Variants in FCMR observed in about 807,000 individuals in gnomAD.
FCMR encodes immunoglobulin mu Fc receptor.
A neutral mutation model predicts 41.6 loss-of-function variants in FCMR; 34 were observed. The observed-to-expected ratio is 0.82, with a 90% CI of 0.62 to 1.09. The LOEUF (loss-of-function observed/expected upper bound fraction) is 1.09. Ranked by LOEUF, FCMR falls within the 50% of genes least tolerant of loss-of-function variation. The pLI is 0.00. For missense variants in FCMR, 496 were observed against 512.5 expected (o/e 0.97, Z 0.31); for synonymous variants, 209 against 211.8 (o/e 0.99, Z 0.12).
Position 206,911,893 on chromosome 1 carries a change from G to A in FCMR, c.547C>T (p.Gln183Ter). 5.6e-6 allele frequency: 9 copies of A among 1,606,350 alleles called. No individual in the cohort carries two copies. The highest frequency in any genetic ancestry group is 7.6e-6 in the Non-Finnish European group (9 of 1,177,674). Residue 183 changes from glutamine (Q) to a stop codon, truncating the protein, a stop_gained, in exon 4 of 8, where the codon CAA (glutamine) becomes TAA (stop). Transcript: ENST00000367091. LOFTEE classifies it high-confidence loss of function. ...GACACTCGAGGGCGGTGGGTGATTT[G>A]GGTGGTGGGGGAGGAGTGGTGAACT... ...PPVHHSSPTT[Q>*]ITHRPRVSRA...
intron 7 of FCMR, among the ~76,000 whole-genome samples, chr1:206,905,575 T>C (rs1678601712): frequency 6.6e-6 from 1 of 152,114 alleles, no homozygotes; most frequent in Non-Finnish European, 1.5e-5. Flanking sequence ...GTCGTGACAG[T>C]GCATTCCAGG....
chr1:206,912,020 C>A (rs1678966183), intron 3 of FCMR, 68 bp from the exon 4 acceptor site: 1 of 1,165,928 alleles, frequency 8.6e-7, no homozygotes, highest in Non-Finnish European at 1.2e-6. Context: ...GATTAGGTCA[C>A]CACCTCTTTC....
At chr1:206,914,659 A>G (rs1322716785) in intron 1 of FCMR, among the ~76,000 whole-genome samples, 1 of 151,826 alleles carries the variant, frequency 6.6e-6, no homozygotes, top group East Asian at 1.9e-4. Context: ...TCTCGAACTC[A>G]TGGCCTCAAG....
At position 206,909,623 on chromosome 1, in the gene FCMR, T is replaced by C. The variant is rs1012771352; in HGVS notation, c.985+102A>G. The C allele has an allele frequency of 3.1e-5, 38 of 1,240,642 alleles. No homozygotes were observed. Among genetic ancestry groups the C allele is most frequent in the East Asian group, 9.9e-5 (3 of 30,284 alleles). 76.9% of individuals were successfully genotyped at this position (1,240,642 alleles called of 1,614,324 possible). On this transcript the variant is annotated intron_variant, in intron 6 of 7. Coordinates refer to ENST00000367091, the MANE Select transcript of FCMR (RefSeq NM_005449.5). This position sits in a 1 kb window ranked among gnomAD's most constrained non-coding sequence, Gnocchi z 5.0. ...CCCCGCCCCACTCCCAGCTCCACCC[T>C]GTGGGAAGCCCTGGCACCTGGGAGC...
rs1029328104 is a variant in FCMR, at chr1:206,909,955, C to T, written c.842-87G>A. 1.8e-4 allele frequency: 245 copies of T among 1,332,478 alleles called. 1 individual carries two copies. The highest frequency in any genetic ancestry group is 2.3e-4 in the Non-Finnish European group (240 of 1,032,364). 82.5% of individuals were successfully genotyped at this position (1,332,478 alleles called of 1,614,324 possible). On this transcript the variant is annotated intron_variant, in intron 5 of 7. Coordinates refer to ENST00000367091, the MANE Select transcript of FCMR (RefSeq NM_005449.5). The surrounding 1 kb of genome is among the most constrained non-coding windows in gnomAD (Gnocchi z 5.0). ...CCAAACGAAAGGCTGCCTCCTCCCT[C>T]GGGCTTGGCAGTGTCTGACCTGGAG...
At chr1:206,920,947 TG>T (rs1679412316) in intron 1 of FCMR, among the ~76,000 whole-genome samples, 1 of 152,268 alleles carries the variant, frequency 6.6e-6, no homozygotes, top group African/African-American at 2.4e-5. Context: ...TTAGCCATTC[TG>T]GCATTTTGTG....
rs943451580 is a variant in FCMR, at chr1:206,903,386, G to T, written c.*1633C>A. 1.6e-5 allele frequency: 4 copies of T among 253,694 alleles called. No homozygotes were observed. Among genetic ancestry groups the T allele is most frequent in the Non-Finnish European group, 3.1e-5 (4 of 128,716 alleles). 15.7% of individuals were successfully genotyped at this position (253,694 alleles called of 1,614,324 possible). A position where few individuals can be genotyped will look rare whatever the true frequency, so the allele number is the denominator to read the frequency against. On this transcript the variant is annotated 3_prime_UTR_variant, in exon 8 of 8. Transcript: ENST00000367091. ...AAGGCAGCAGAATATTGTGCCCCAT[G>T]CTTCTTTACCCCTCACAATCCTTGC...
At position 206,904,584 on chromosome 1, in the gene FCMR, C is replaced by A. The variant is rs1385382826; in HGVS notation, c.*435G>T. 2.0e-5 allele frequency: 4 copies of A among 198,082 alleles called. No individual in the cohort carries two copies. Among genetic ancestry groups the A allele is most frequent in the Non-Finnish European group, 4.2e-5 (4 of 94,820 alleles). The allele number at this position is 198,082 out of a possible 1,614,324, so 12.3% of individuals were successfully genotyped here. ...CTGAGGCATGTCACATAACTCAGAG[C>A]AAGAGCCTTCTATTTGTGTAAGACC... On this transcript the variant is annotated 3_prime_UTR_variant, in exon 8 of 8. Coordinates refer to ENST00000367091, the MANE Select transcript of FCMR (RefSeq NM_005449.5).
intron 7 of FCMR, chr1:206,906,392 G>A (rs1479211608): frequency 1.1e-5 from 2 of 185,648 alleles, no homozygotes; most frequent in Non-Finnish European, 2.3e-5. Context: ...GGAAATCCTC[G>A]ATGTATGACA....
intron 7 of FCMR, chr1:206,907,601 C>T: frequency 5.7e-6 from 4 of 705,932 alleles, no homozygotes; most frequent in Non-Finnish European, 1.1e-5. Context: ...ATTTTCTTTT[C>T]CCAGGCGGCT....
At chr1:206,908,268 C>A in intron 7 of FCMR, 3 of 1,087,224 alleles carry the variant, frequency 2.8e-6, no homozygotes. Context: ...CTTGGCCTGG[C>A]CTGCCCTTCC....
Position 206,909,893 on chromosome 1 carries a change from G to A in FCMR, c.842-25C>T, listed in dbSNP as rs867577370. The A allele has an allele frequency of 2.2e-6, 3 of 1,371,766 alleles. No individual in the cohort carries two copies. The highest frequency in any genetic ancestry group is 2.0e-4 in the Middle Eastern group (1 of 5,070). The allele number at this position is 1,371,766 out of a possible 1,614,324, so 85.0% of individuals were successfully genotyped here. A position where few individuals can be genotyped will look rare whatever the true frequency, so the allele number is the denominator to read the frequency against. On this transcript the variant is annotated intron_variant, in intron 5 of 7. Coordinates refer to ENST00000367091, the MANE Select transcript of FCMR (RefSeq NM_005449.5). This position sits in a 1 kb window ranked among gnomAD's most constrained non-coding sequence, Gnocchi z 5.0. Reference sequence around the variant, plus strand: ...GCTTCCCCACAAAGCCACGGGAAGAGGGAGGAAAATGGCATCAGAGGCCCG... The same window carrying A: ...GCTTCCCCACAAAGCCACGGGAAGAAGGAGGAAAATGGCATCAGAGGCCCG...
At chr1:206,914,931 C>T (rs1679122519) in intron 1 of FCMR, among the ~76,000 whole-genome samples, 1 of 152,192 alleles carries the variant, frequency 6.6e-6, no homozygotes, top group African/African-American at 2.4e-5. Context: ...AAGTATATCA[C>T]TCACTCCAAA....
At chr1:206,914,580 T>C (rs1412954799) in intron 1 of FCMR, among the ~76,000 whole-genome samples, 1 of 151,942 alleles carries the variant, frequency 6.6e-6, no homozygotes, top group East Asian at 1.9e-4. Context: ...TACAGGTGCA[T>C]GCTGCCATGC....
At chr1:206,907,695 A>T in intron 7 of FCMR, 1 of 847,850 alleles carries the variant, frequency 1.2e-6, no homozygotes, top group Non-Finnish European at 2.1e-6. Context: ...GTGGCTAACT[A>T]GGTACTGCTG....
At chr1:206,922,030 G>A (rs145721668), upstream of FCMR, 48 of 630,808 alleles carry the variant, frequency 7.6e-5, no homozygotes, top group Non-Finnish European at 1.2e-4. Context: ...ACTATTCTCA[G>A]GCTAAAAAGA....
chr1:206,908,520 G>T (rs1331221823), intron 7 of FCMR, among the ~76,000 whole-genome samples: 1 of 152,204 alleles, frequency 6.6e-6, no homozygotes, highest in Non-Finnish European at 1.5e-5. Flanking sequence ...CCTTGTGAGT[G>T]GGGCGTCTGT....
rs1200509662 is a variant in FCMR at position 206,909,772 on chromosome 1, T to C, written c.938A>G (p.Asn313Ser). The C allele has an allele frequency of 4.8e-6, 7 of 1,461,718 alleles. No homozygotes were observed. The highest frequency in any genetic ancestry group is 5.4e-6 in the Non-Finnish European group (6 of 1,115,994). 90.5% of individuals were successfully genotyped at this position (1,461,718 alleles called of 1,614,324 possible). A position where few individuals can be genotyped will look rare whatever the true frequency, so the allele number is the denominator to read the frequency against. ...RGSPRPRSQN[N>S]IYSACPRRAR... The stretch of plus-strand genomic sequence containing the variant: ...GCGCCGCGGGCAGGCGCTGTAGATG[T>C]TGTTTTGGGAGCGCGGTCGCGGCGA... Residue 313 changes from asparagine (N) to serine (S), a missense_variant, in exon 6 of 8, where the codon AAC becomes AGC. Transcript: ENST00000367091. This position sits in a 1 kb window ranked among gnomAD's most constrained non-coding sequence, Gnocchi z 5.0.
chr1:206,917,411 G>T (rs180842101), intron 1 of FCMR, among the ~76,000 whole-genome samples: 186 of 152,244 alleles, frequency 1.2e-3, no homozygotes, highest in Non-Finnish European at 2.2e-3. Context: ...TAGTAACCCG[G>T]GTGTGTCCAG....
Sources: gnomAD v4.1 joint callset for allele counts (sites outside exome capture counted in the v4.1 genomes callset) on GRCh38, gnomAD v4.1.1 for gene constraint, Gnocchi (gnomAD v3.1) non-coding constraint, MANE v1.5 for transcripts, NCBI Gene and HGNC (gene_info 2026-07-23, HGNC 2026-07-21) for gene names.